Variants in DOCK10 observed in about 807,000 individuals in gnomAD.
DOCK10 encodes the protein dedicator of cytokinesis protein 10.
A neutral mutation model predicts 280.1 loss-of-function variants in DOCK10; 145 were observed. The observed-to-expected ratio is 0.52, with a 90% CI of 0.45 to 0.59. DOCK10 has a LOEUF of 0.59. DOCK10 is among the 20% of genes least tolerant of loss of function. The pLI, the probability that DOCK10 is intolerant of heterozygous loss-of-function variation, is 0.00. For synonymous variants in DOCK10, 915 were observed against 942.2 expected (o/e 0.97, Z 0.53); for missense variants, 2,368 against 2,651.7 (o/e 0.89, Z 2.35).
chr2:224,801,726 G>GGA, intron 40 of DOCK10, among the ~76,000 whole-genome samples, 190 bp downstream of exon 40: 1 of 152,158 alleles, frequency 6.6e-6, no homozygotes, highest in Admixed American at 6.5e-5. Flanking sequence ...TGAGGGTTTT[G>GGA]CCTCTCCCCT....
intron 1 of DOCK10, among the ~76,000 whole-genome samples, chr2:224,950,021 G>C (rs1451783626): frequency 1.3e-5 from 2 of 152,154 alleles, no homozygotes; most frequent in Non-Finnish European, 2.9e-5. Flanking sequence ...TTCATGGAAG[G>C]CTTTGAATGC....
intron 11 of DOCK10, 134 bp from the exon 12 acceptor site, chr2:224,865,221 G>A (rs1218671505): frequency 3.9e-6 from 3 of 775,818 alleles, no homozygotes; most frequent in South Asian, 1.8e-5. Flanking sequence ...TCAGTGACCC[G>A]GAATCCTGTC....
At chr2:224,939,237 G>A (rs529560642) in intron 1 of DOCK10, among the ~76,000 whole-genome samples, 4 of 152,270 alleles carry the variant, frequency 2.6e-5, no homozygotes, top group East Asian at 1.9e-4. Context: ...ACACATTATC[G>A]TTAGAAAAAT....
At chr2:225,012,042 C>T (rs938537850) in intron 1 of DOCK10, among the ~76,000 whole-genome samples, 1 of 152,082 alleles carries the variant, frequency 6.6e-6, no homozygotes, top group African/African-American at 2.4e-5. Context: ...TTATTATTAT[C>T]AATAATAATT....
At chr2:224,846,724 T>C (rs1225037668) in intron 19 of DOCK10, among the ~76,000 whole-genome samples, 1 of 152,168 alleles carries the variant, frequency 6.6e-6, no homozygotes, top group African/African-American at 2.4e-5. Flanking sequence ...CTCAATCTCT[T>C]GACCTTGTGA....
In DOCK10 at chr2:225,042,439, C is replaced by T; in HGVS notation, c.-65G>A. 1 of 1,224,860 alleles carries T rather than the reference C, an allele frequency of 8.2e-7. No homozygotes were observed. The highest frequency in any genetic ancestry group is 1.0e-6 in the Non-Finnish European group (1 of 981,210). The allele number at this position is 1,224,860 out of a possible 1,614,324, so 75.9% of individuals were successfully genotyped here. A position where few individuals can be genotyped will look rare whatever the true frequency, so the allele number is the denominator to read the frequency against. On this transcript the variant is annotated 5_prime_UTR_variant, in exon 1 of 56. Transcript: ENST00000258390. The surrounding 1 kb of genome is among the most constrained non-coding windows in gnomAD (Gnocchi z 5.1). ...CTCCCGCCGGTCTTCCCCGCGCCAA[C>T]CTTCTCTATCCACCCGCCGTTCAGG...
Position 225,017,618 on chromosome 2 carries a change from A to G in DOCK10, c.123+24634T>C, listed in dbSNP as rs1689649051. Reference sequence around the variant, plus strand: ...TGTAGATTTTTTAACTGAATCCCTTAGTAATTTTTTCTGCTTTGTCAAAAA... The same window carrying G: ...TGTAGATTTTTTAACTGAATCCCTTGGTAATTTTTTCTGCTTTGTCAAAAA... On this transcript the variant is annotated intron_variant, in intron 1 of 55. Transcript: ENST00000258390. Among the ~76,000 whole-genome samples the G allele has an allele frequency of 3.3e-5, 5 of 151,680 alleles. No individual in the cohort carries two copies. In the South Asian group the frequency reaches 1.0e-3, roughly 32 times the overall value.
chr2:224,910,885 G>A (rs1700970664), intron 3 of DOCK10, among the ~76,000 whole-genome samples: 1 of 151,908 alleles, frequency 6.6e-6, no homozygotes, highest in African/African-American at 2.4e-5. Context: ...GACTACTATG[G>A]GAGTTTTTGC....
chr2:224,819,575 TCATTAAAGATTTTAG>T (rs751091226), intron 28 of DOCK10, 46 bp from the exon 29 acceptor site: 2 of 1,269,942 alleles, frequency 1.6e-6, no homozygotes, highest in Non-Finnish European at 1.1e-6. Context: ...ACTTGAAGAA[TCATTAAAGATTTTAG>T]AAAATATGAT....
chr2:224,926,990 C>G (rs1456659209), intron 2 of DOCK10, among the ~76,000 whole-genome samples: 1 of 152,096 alleles, frequency 6.6e-6, no homozygotes, highest in African/African-American at 2.4e-5. Context: ...AGTGAAAAAG[C>G]AAACCAAGAT....
At chr2:224,792,435 C>T (rs577456655) in intron 47 of DOCK10, among the ~76,000 whole-genome samples, 1 of 152,182 alleles carries the variant, frequency 6.6e-6, no homozygotes, top group East Asian at 1.9e-4. Context: ...AGGTGCCTGC[C>T]ACCATGCCCA....
At chr2:225,013,323 T>C (rs1304625685) in intron 1 of DOCK10, among the ~76,000 whole-genome samples, 1 of 152,168 alleles carries the variant, frequency 6.6e-6, no homozygotes, top group Non-Finnish European at 1.5e-5. Flanking sequence ...CTCCTGACTA[T>C]AAAGGTCCCT....
Position 224,778,470 on chromosome 2 carries a change from A to T in DOCK10, c.5656-186T>A. 13 of 658,672 alleles carry T rather than the reference A, an allele frequency of 2.0e-5. 1 individual carries two copies. The highest frequency in any genetic ancestry group is 2.0e-4 in the South Asian group (12 of 61,228). The allele number at this position is 658,672 out of a possible 1,614,324, so 40.8% of individuals were successfully genotyped here. Reference sequence around the variant, plus strand: ...GTGAGAAAATAAAGTATCATCTTATAATCAGACATTAATGTAAATATTTCC... The same window carrying T: ...GTGAGAAAATAAAGTATCATCTTATTATCAGACATTAATGTAAATATTTCC... On this transcript the variant is annotated intron_variant, in intron 50 of 55. Transcript: ENST00000258390.
chr2:224,807,919 T>C lies in DOCK10; in HGVS notation c.3577A>G (p.Arg1193Gly). ...AAAGGAAGATCACTTACTGGCTCTC[T>C]GTATCGATCATCAAATGAATGCTTA... is the stretch of plus-strand genomic sequence containing the variant. ...MAKHSFDDRY[R>G]EPRKQAQIAS... is the part of the protein sequence containing the mutation. The change falls in exon 32 of 56, where the codon AGA becomes GGA. Residue 1193 changes from arginine (R) to glycine (G), a missense_variant. Physicochemically the swap from Arg to Gly is moderately radical, Grantham distance 125. This residue lies in a region of DOCK10 where 1,159 missense variants were observed against 1,400.8 expected (regional missense o/e 0.83). Coordinates refer to ENST00000258390, the MANE Select transcript of DOCK10 (RefSeq NM_014689.3). 2 of 1,612,014 alleles carry C rather than the reference T, an allele frequency of 1.2e-6. No individual in the cohort carries two copies. Among genetic ancestry groups the C allele is most frequent in the South Asian group, 2.2e-5 (2 of 90,804 alleles).
intron 34 of DOCK10, 37 bp downstream of exon 34, chr2:224,806,089 G>A: frequency 8.4e-7 from 1 of 1,196,766 alleles, no homozygotes; most frequent in Non-Finnish European, 1.2e-6. Flanking sequence ...AGGTGGATGA[G>A]TGTTAAAAAT....
intron 27 of DOCK10, 131 bp downstream of exon 27, chr2:224,830,410 T>A: frequency 2.2e-6 from 1 of 461,418 alleles, no homozygotes; most frequent in South Asian, 8.3e-5. Flanking sequence ...CTTCTACTTA[T>A]AAAGTAATTA....
Position 224,795,107 on chromosome 2 carries a change from G to C in DOCK10, c.4939-13C>G, listed in dbSNP as rs551242882. On this transcript the variant is annotated splice_polypyrimidine_tract_variant and intron_variant, in intron 44 of 55. Coordinates refer to ENST00000258390, the MANE Select transcript of DOCK10 (RefSeq NM_014689.3). ...GGAAATTGCTGTTCTTTGGAAAAGAGAGAGCCTGGGTCATTATCTGTTTAG... is the reference window on the plus strand; with the variant it reads ...GGAAATTGCTGTTCTTTGGAAAAGACAGAGCCTGGGTCATTATCTGTTTAG... 9.4e-5 allele frequency: 151 copies of C among 1,610,832 alleles called. 2 individuals carry two copies. In the South Asian group the frequency reaches 1.6e-3, roughly 17 times the overall value.
In DOCK10 at chr2:224,818,838, C is replaced by G. The variant is rs979390962; in HGVS notation, c.3267+608G>C. 2.6e-5 allele frequency among the ~76,000 whole-genome samples: 4 copies of G among 152,210 alleles called. No homozygotes were observed. The South Asian group carries it at 8.3e-4, about 31-fold the overall frequency. On this transcript the variant is annotated intron_variant, in intron 29 of 55. Coordinates refer to ENST00000258390, the MANE Select transcript of DOCK10 (RefSeq NM_014689.3). ...TCAACCCAAAGAACAGTTAACTGAT[C>G]CAGCTTTCATCATCTGGCCCATTTC...
chr2:224,805,517 A>G lies in DOCK10; in HGVS notation c.3827T>C (p.Ile1276Thr), dbSNP rs1559450859. The G allele has an allele frequency of 2.5e-6, 4 of 1,612,286 alleles. No individual in the cohort carries two copies. Among genetic ancestry groups the G allele is most frequent in the East Asian group, 2.2e-5 (1 of 44,836 alleles). Residue 1276 changes from isoleucine (I) to threonine (T), a missense_variant, in exon 35 of 56, where the codon ATA becomes ACA. Ile to Thr is a moderately conservative substitution (Grantham distance 89). This residue lies in a region of DOCK10 where 1,159 missense variants were observed against 1,400.8 expected (regional missense o/e 0.83). Coordinates refer to ENST00000258390, the MANE Select transcript of DOCK10 (RefSeq NM_014689.3). This position sits in a 1 kb window ranked among gnomAD's most constrained non-coding sequence, Gnocchi z 4.3. ...AGCATGGTTTACTGTAGAAATAGCT[A>G]TTGATGAAAATGCTGTAAACACAAG... ...VLNSIAAFSS[I>T]AISTVNHADS...
Sources: allele counts gnomAD v4.1 joint callset (sites outside exome capture counted in the v4.1 genomes callset), GRCh38; gene constraint gnomAD v4.1.1; regional missense constraint gnomAD v4.1.1; non-coding constraint Gnocchi (gnomAD v3.1); transcripts MANE v1.5; gene names NCBI Gene and HGNC (gene_info 2026-07-23, HGNC 2026-07-21).